Variants in FOXN3 observed in about 807,000 individuals in gnomAD.
FOXN3 encodes forkhead box protein N3.
Under a neutral mutation model 38.4 loss-of-function variants are expected in FOXN3, and 7 were observed. The ratio of observed to expected loss-of-function variants is 0.18; its 90% CI spans 0.10 to 0.34. The LOEUF (loss-of-function observed/expected upper bound fraction) is 0.34. Ranked by LOEUF, FOXN3 falls within the 10% of genes least tolerant of loss-of-function variation. The pLI is 1.00. For synonymous variants in FOXN3, 230 were observed against 242.2 expected (o/e 0.95, Z 0.47); for missense variants, 456 against 613.4 (o/e 0.74, Z 2.71).
chr14:89,578,517 G>C (rs1895679674), intron 1 of FOXN3, among the ~76,000 whole-genome samples: 1 of 152,064 alleles, frequency 6.6e-6, no homozygotes, highest in Non-Finnish European at 1.5e-5. Context: ...CGTGCAACAG[G>C]CATCTCAAAC....
chr14:89,480,335 G>A (rs964462681), intron 1 of FOXN3, among the ~76,000 whole-genome samples: 5 of 151,970 alleles, frequency 3.3e-5, no homozygotes, highest in South Asian at 2.1e-4. Flanking sequence ...CTCGGGAGGC[G>A]GAGGTTGCAG....
At chr14:89,212,570 C>A (rs1215214462) in intron 4 of FOXN3, among the ~76,000 whole-genome samples, 2 of 152,186 alleles carry the variant, frequency 1.3e-5, no homozygotes, top group Non-Finnish European at 2.9e-5. Flanking sequence ...GAGGTGTGTT[C>A]CTGACCACAC....
At chr14:89,309,056 C>CTTTGTT (rs1376836470) in intron 3 of FOXN3, among the ~76,000 whole-genome samples, 1 of 152,136 alleles carries the variant, frequency 6.6e-6, no homozygotes, top group East Asian at 1.9e-4. Flanking sequence ...AAAACTGTCT[C>CTTTGTT]TTTGTTTGTT....
At chr14:89,263,200 A>G (rs953246994) in intron 4 of FOXN3, among the ~76,000 whole-genome samples, 1 of 152,248 alleles carries the variant, frequency 6.6e-6, no homozygotes, top group African/African-American at 2.4e-5. Flanking sequence ...TGTCTACATA[A>G]AATTTTAAAG....
At chr14:89,219,945 C>A (rs558701416) in intron 4 of FOXN3, among the ~76,000 whole-genome samples, 10 of 152,108 alleles carry the variant, frequency 6.6e-5, no homozygotes, top group Non-Finnish European at 1.0e-4. Context: ...AGGATCCTTG[C>A]CACTTACAGA....
chr14:89,360,752 C>CACCACCACCACCACT (rs1566966400), intron 2 of FOXN3, among the ~76,000 whole-genome samples: 1 of 119,878 alleles, frequency 8.3e-6, no homozygotes, highest in African/African-American at 3.7e-5. Context: ...CCACCTCCAC[C>CACCACCACCACCACT]ACCACCTCCA....
At chr14:89,550,126 C>T (rs1022050893) in intron 1 of FOXN3, among the ~76,000 whole-genome samples, 24 of 152,168 alleles carry the variant, frequency 1.6e-4, no homozygotes, top group African/African-American at 5.6e-4. Flanking sequence ...AGCTGGCAGG[C>T]ACTGACTGAG....
At chr14:89,481,853 G>A (rs1469802602) in intron 1 of FOXN3, among the ~76,000 whole-genome samples, 3 of 152,046 alleles carry the variant, frequency 2.0e-5, no homozygotes, top group African/African-American at 4.8e-5. Flanking sequence ...AAGCTAGGGC[G>A]ATCATATCAT....
chr14:89,180,953 T>TGCACATAC (rs1887654950), intron 4 of FOXN3, 147 bp from the exon 5 acceptor site: 1 of 467,322 alleles, frequency 2.1e-6, no homozygotes, highest in Non-Finnish European at 3.9e-6. Context: ...CACGTGCACA[T>TGCACATAC]ACACACACAC....
rs1458373658 is a variant in FOXN3, at chr14:89,163,199, C to T, written c.852-230G>A. ...TATCTCCTATAATGGCAGTTTCACT[C>T]CATTTGTGTGGCTGAGACGTCAAAA... On this transcript the variant is annotated intron_variant, in intron 5 of 5. Transcript: ENST00000557258. The surrounding 1 kb of genome is among the most constrained non-coding windows in gnomAD (Gnocchi z 4.3). Among the ~76,000 whole-genome samples, 1 of 152,216 alleles carries T rather than the reference C, an allele frequency of 6.6e-6. No individual in the cohort carries two copies. The highest frequency in any genetic ancestry group is 1.5e-5 in the Non-Finnish European group (1 of 68,042).
At chr14:89,410,908 A>G (rs1006070233) in intron 2 of FOXN3, among the ~76,000 whole-genome samples, 24 of 143,826 alleles carry the variant, frequency 1.7e-4, no homozygotes, top group Admixed American at 3.5e-4. Flanking sequence ...AAAAGAAAAA[A>G]GAAAGAAAAA....
intron 1 of FOXN3, among the ~76,000 whole-genome samples, chr14:89,588,327 T>C (rs759604359): frequency 6.6e-6 from 1 of 152,138 alleles, no homozygotes; most frequent in Non-Finnish European, 1.5e-5. Context: ...CTTCTTTTCT[T>C]ATAAATTACC....
rs116040917 is a variant in FOXN3 at position 89,520,159 on chromosome 14, G to A, written c.-15+98869C>T. On this transcript the variant is annotated intron_variant, in intron 1 of 6. Transcript: ENST00000345097. ...CTCCTGAGTAACTGGGACTACCGCCGTGTACCTCGACGTCCAGTGACATTT... is the reference window on the plus strand; with the variant it reads ...CTCCTGAGTAACTGGGACTACCGCCATGTACCTCGACGTCCAGTGACATTT... 9.8e-3 allele frequency among the ~76,000 whole-genome samples: 1,485 copies of A among 150,910 alleles called. 27 individuals are homozygous for A. Among genetic ancestry groups the A allele is most frequent in the African/African-American group, 0.034 (1,403 of 41,008 alleles).
chr14:89,284,652 G>A (rs1178873209), intron 3 of FOXN3: 3 of 444,078 alleles, frequency 6.8e-6, no homozygotes, highest in East Asian at 7.0e-5. Flanking sequence ...ACAATACAAC[G>A]CCAGTGCCAC....
At chr14:89,533,454 G>T (rs1267712774) in intron 1 of FOXN3, among the ~76,000 whole-genome samples, 1 of 152,098 alleles carries the variant, frequency 6.6e-6, no homozygotes, top group African/African-American at 2.4e-5. Context: ...ACGAAGTCAG[G>T]AGATCCAGAC....
At chr14:89,551,001 T>C (rs888258157) in intron 1 of FOXN3, among the ~76,000 whole-genome samples, 1 of 152,230 alleles carries the variant, frequency 6.6e-6, no homozygotes, top group Non-Finnish European at 1.5e-5. Context: ...CGAATGTTTC[T>C]GGCTCGCCTT....
intron 2 of FOXN3, among the ~76,000 whole-genome samples, chr14:89,374,449 A>G (rs1000648190): frequency 4.6e-5 from 7 of 152,290 alleles, no homozygotes; most frequent in Admixed American, 3.9e-4. Flanking sequence ...ACGAGCTCAC[A>G]TATCCACATA....
intron 1 of FOXN3, among the ~76,000 whole-genome samples, chr14:89,614,240 GA>G (rs1390865885): frequency 2.6e-4 from 40 of 152,274 alleles, no homozygotes; most frequent in Middle Eastern, 3.4e-3. Context: ...GAATAACAGT[GA>G]TAGAACAGAT....
rs148537021 is a variant in FOXN3 at position 89,224,965 on chromosome 14, C to T, written c.746-44159G>A. The stretch of plus-strand genomic sequence containing the variant: ...CCAACGTGGTGAAACCCCATCGCTG[C>T]TAAAAATAAAAAAATTAGCTGGGTG... On this transcript the variant is annotated intron_variant, in intron 4 of 5. Coordinates refer to ENST00000557258, the MANE Select transcript of FOXN3 (RefSeq NM_005197.4). Among the ~76,000 whole-genome samples, 8 of 151,382 alleles carry T rather than the reference C, an allele frequency of 5.3e-5. No homozygotes were observed. In the East Asian group the frequency reaches 1.6e-3, roughly 30 times the overall value.
Sources: allele counts gnomAD v4.1 joint callset (sites outside exome capture counted in the v4.1 genomes callset), GRCh38; gene constraint gnomAD v4.1.1; non-coding constraint Gnocchi (gnomAD v3.1); transcripts MANE v1.5; gene names NCBI Gene and HGNC (gene_info 2026-07-23, HGNC 2026-07-21).